Variants in RBM39 observed in about 807,000 individuals in gnomAD.
RBM39 encodes RNA binding motif protein 39.
RBM39 carries 12 observed loss-of-function variants against 79.6 expected under a neutral mutation model. The ratio of observed to expected loss-of-function variants is 0.15; its 90% CI spans 0.10 to 0.24. The LOEUF is 0.24. Among genes scored for constraint, RBM39 ranks in the 10% least tolerant of loss-of-function variants. RBM39 has a pLI of 1.00. For missense variants in RBM39, 243 were observed against 653.4 expected (o/e 0.37, Z 6.85); for synonymous variants, 185 against 208.4 (o/e 0.89, Z 0.97).
chr20:35,708,664 A>G (rs1322207464), intron 13 of RBM39: 1 of 152,364 alleles, frequency 6.6e-6, no homozygotes. Context: ...AGCAACAGAG[A>G]TTTAGTGATA....
chr20:35,739,068 A>C, intron 2 of RBM39, 51 bp from the exon 3 acceptor site: 1 of 1,413,422 alleles, frequency 7.1e-7, no homozygotes, highest in Non-Finnish European at 1.0e-6. Flanking sequence ...GTAACATTTC[A>C]AGTTGTCAAA....
chr20:35,716,695 A>T (rs1258402419), intron 10 of RBM39, 45 bp downstream of exon 10: 67 of 450,338 alleles, frequency 1.5e-4, no homozygotes, highest in South Asian at 4.2e-4. Flanking sequence ...AATGTAGTTT[A>T]AAAAAAAAAA....
chr20:35,706,486 T>C (rs1295636552), intron 14 of RBM39, among the ~76,000 whole-genome samples: 3 of 152,198 alleles, frequency 2.0e-5, no homozygotes, highest in Non-Finnish European at 4.4e-5. Flanking sequence ...ATTGTCATTA[T>C]ATGAAATGTA....
At chr20:35,727,041 G>A (rs1024107075) in intron 6 of RBM39, among the ~76,000 whole-genome samples, 11 of 151,912 alleles carry the variant, frequency 7.2e-5, no homozygotes, top group Non-Finnish European at 1.6e-4. Flanking sequence ...TGGTCAGGCT[G>A]GTCTCGATAT....
intron 8 of RBM39, among the ~76,000 whole-genome samples, chr20:35,722,315 G>C (rs1239823808): frequency 2.6e-5 from 4 of 151,584 alleles, no homozygotes; most frequent in African/African-American, 9.7e-5. Context: ...GCTGAGGCAG[G>C]AGAATGGCAT....
intron 9 of RBM39, among the ~76,000 whole-genome samples, chr20:35,719,427 C>T (rs184264245): frequency 1.2e-4 from 18 of 152,232 alleles, no homozygotes; most frequent in East Asian, 3.9e-4. Flanking sequence ...TGGGTCTGGG[C>T]GCAGTGGCTC....
intron 9 of RBM39, among the ~76,000 whole-genome samples, chr20:35,717,967 T>G (rs1454636582): frequency 2.0e-5 from 3 of 152,076 alleles, no homozygotes; most frequent in Admixed American, 2.0e-4. Flanking sequence ...CACACCATTC[T>G]CCTGCCTCAG....
chr20:35,721,579 G>C (rs1214961601), intron 9 of RBM39, among the ~76,000 whole-genome samples, 161 bp downstream of exon 9: 1 of 152,190 alleles, frequency 6.6e-6, no homozygotes, highest in Non-Finnish European at 1.5e-5. Context: ...TCTATCAAGT[G>C]ACCTATTTTA....
chr20:35,729,111 CTG>C (rs2039084876), intron 6 of RBM39, among the ~76,000 whole-genome samples, 199 bp downstream of exon 6: 1 of 151,792 alleles, frequency 6.6e-6, no homozygotes, highest in Non-Finnish European at 1.5e-5. Context: ...AAATATATAA[CTG>C]TTGCTTTAAT....
intron 3 of RBM39, chr20:35,734,896 TA>T: frequency 6.4e-7 from 1 of 1,557,842 alleles, no homozygotes; most frequent in Non-Finnish European, 8.6e-7. Context: ...TGTTACAACT[TA>T]AAAGGGACTT....
chr20:35,724,447 AG>A, intron 8 of RBM39, 122 bp downstream of exon 8: 3 of 871,892 alleles, frequency 3.4e-6, no homozygotes, highest in Non-Finnish European at 3.2e-6. Context: ...AAAAAAAAAA[AG>A]TCCTGAAAAC....
At position 35,719,961 on chromosome 20, in the gene RBM39, T is replaced by G. The variant is rs867318701; in HGVS notation, c.825+1779A>C. 1.1e-5 allele frequency: 3 copies of G among 271,076 alleles called. No homozygotes were observed. In the Middle Eastern group the frequency reaches 3.9e-3, roughly 354 times the overall value. 16.8% of individuals were successfully genotyped at this position (271,076 alleles called of 1,614,324 possible). A position where few individuals can be genotyped will look rare whatever the true frequency, so the allele number is the denominator to read the frequency against. ...CCACACCCACCTAATTTTTCTATTTTTAGTAGAGACAAGGTTTTACCACGT... is the reference window on the plus strand; with the variant it reads ...CCACACCCACCTAATTTTTCTATTTGTAGTAGAGACAAGGTTTTACCACGT... On this transcript the variant is annotated intron_variant, in intron 9 of 16. Coordinates refer to ENST00000253363, the MANE Select transcript of RBM39 (RefSeq NM_184234.3).
At chr20:35,714,656 A>G (rs1470371463) in intron 10 of RBM39, among the ~76,000 whole-genome samples, 1 of 152,176 alleles carries the variant, frequency 6.6e-6, no homozygotes, top group African/African-American at 2.4e-5. Context: ...TGTGGTTAGA[A>G]AATGTGAAAA....
At chr20:35,736,604 T>C in intron 3 of RBM39, 1 of 468,466 alleles carries the variant, frequency 2.1e-6, no homozygotes, top group South Asian at 1.6e-5. Context: ...ATCAAATAAA[T>C]GGCTATTTTT....
chr20:35,723,864 G>C lies in RBM39; in HGVS notation c.687+706C>G, dbSNP rs1035926128. 5.3e-4 allele frequency among the ~76,000 whole-genome samples: 81 copies of C among 152,130 alleles called. 1 individual carries two copies. Among genetic ancestry groups the C allele is most frequent in the Admixed American group, 3.8e-3 (58 of 15,272 alleles). Reference sequence around the variant, plus strand: ...GAAACCAGCCTGAGCAACATGGCAAGACCCTGTTTCTTAAAAAAATTTAAA... The same window carrying C: ...GAAACCAGCCTGAGCAACATGGCAACACCCTGTTTCTTAAAAAAATTTAAA... On this transcript the variant is annotated intron_variant, in intron 8 of 16. Coordinates refer to ENST00000253363, the MANE Select transcript of RBM39 (RefSeq NM_184234.3).
At chr20:35,735,249 G>C (rs1233371626) in intron 3 of RBM39, among the ~76,000 whole-genome samples, 4 of 152,136 alleles carry the variant, frequency 2.6e-5, no homozygotes, top group Non-Finnish European at 4.4e-5. Context: ...TTGCAAAACT[G>C]GTTACTTTAA....
At chr20:35,715,777 A>G (rs910439931) in intron 10 of RBM39, among the ~76,000 whole-genome samples, 7 of 152,186 alleles carry the variant, frequency 4.6e-5, no homozygotes, top group African/African-American at 1.7e-4. Flanking sequence ...GTGACTTGGC[A>G]AGAGGTATGA....
At position 35,703,398 on chromosome 20, in the gene RBM39, G is replaced by C. The variant is rs568230548; in HGVS notation, c.*1083C>G. ...GGCCAGGCTGTTTCCTTTTCTTTTT[G>C]GTAAACCCCTCAGTTTTGATACATT... On this transcript the variant is annotated 3_prime_UTR_variant, in exon 17 of 17. Coordinates refer to ENST00000253363, the MANE Select transcript of RBM39 (RefSeq NM_184234.3). The C allele has an allele frequency of 2.0e-5, 3 of 151,980 alleles. No individual in the cohort carries two copies. The highest frequency in any genetic ancestry group is 4.4e-5 in the Non-Finnish European group (3 of 68,008). The allele number at this position is 151,980 out of a possible 1,614,324, so 9.4% of individuals were successfully genotyped here. A position where few individuals can be genotyped will look rare whatever the true frequency, so the allele number is the denominator to read the frequency against.
At chr20:35,734,532 A>C (rs1044336503) in intron 3 of RBM39, 77 of 216,060 alleles carry the variant, frequency 3.6e-4, no homozygotes, top group African/African-American at 1.7e-3. Flanking sequence ...CCTCAAAAAC[A>C]AAGTTTTTGT....
Sources: allele counts gnomAD v4.1 joint callset (sites outside exome capture counted in the v4.1 genomes callset), GRCh38; gene constraint gnomAD v4.1.1; transcripts MANE v1.5; gene names NCBI Gene and HGNC (gene_info 2026-07-23, HGNC 2026-07-21).